DCLK1: variants seen among roughly 807,000 people sequenced by gnomAD.
The protein encoded by DCLK1 is serine/threonine-protein kinase DCLK1.
A neutral mutation model predicts 86.2 loss-of-function variants in DCLK1; 16 were observed. The observed-to-expected ratio is 0.19, with a 90% CI of 0.13 to 0.28. The LOEUF (loss-of-function observed/expected upper bound fraction) is 0.28, where lower values mean the gene tolerates loss of function less well. Among genes scored for constraint, DCLK1 ranks in the 10% least tolerant of loss-of-function variants. The probability of loss-of-function intolerance (pLI) is 1.00; values close to 1 mark genes in which losing one functional copy is unlikely to be tolerated. For missense variants in DCLK1, 590 were observed against 940.2 expected (o/e 0.63, Z 4.87); for synonymous variants, 369 against 370.5 (o/e 1.00, Z 0.05).
chr13:36,124,924 T>C (rs1886115364), intron 2 of DCLK1, among the ~76,000 whole-genome samples: 1 of 152,194 alleles, frequency 6.6e-6, no homozygotes, highest in African/African-American at 2.4e-5. Flanking sequence ...TCCAACTCAT[T>C]TTAATTGGCG....
chr13:35,798,411 G>A (rs950692478), intron 15 of DCLK1, among the ~76,000 whole-genome samples: 1 of 152,180 alleles, frequency 6.6e-6, no homozygotes, highest in African/African-American at 2.4e-5. Flanking sequence ...GTAAACTCAG[G>A]AGAAGCATGG....
At chr13:35,942,870 T>A (rs1877160237) in intron 4 of DCLK1, among the ~76,000 whole-genome samples, 1 of 152,186 alleles carries the variant, frequency 6.6e-6, no homozygotes, top group Non-Finnish European at 1.5e-5. Context: ...GTTGTTGATG[T>A]ATTCTACTAA....
chr13:35,973,137 A>T (rs1331065182), intron 3 of DCLK1, among the ~76,000 whole-genome samples: 1 of 152,134 alleles, frequency 6.6e-6, no homozygotes, highest in Non-Finnish European at 1.5e-5. Flanking sequence ...AGGCAGAAGG[A>T]GGGGAGGTGG....
intron 3 of DCLK1, among the ~76,000 whole-genome samples, chr13:36,099,875 C>T (rs1885141540): frequency 6.6e-6 from 1 of 152,096 alleles, no homozygotes; most frequent in South Asian, 2.1e-4. Flanking sequence ...TCCAACTGAA[C>T]GTATCCCAGA....
At position 36,131,337 on chromosome 13, in the gene DCLK1, T is replaced by A. The variant is rs1886356592; in HGVS notation, c.-243A>T. ...CCCGTCCTCATTGAAATGCGGCGCT[T>A]CGCACAGCCTCACTCCAGCCTCTCT... On this transcript the variant is annotated 5_prime_UTR_variant, in exon 1 of 17. Coordinates refer to ENST00000360631, the MANE Select transcript of DCLK1 (RefSeq NM_001330071.2). 6.1e-6 allele frequency: 1 copy of A among 164,142 alleles called. No individual in the cohort carries two copies. The highest frequency in any genetic ancestry group is 2.4e-5 in the African/African-American group (1 of 41,386). The allele number at this position is 164,142 out of a possible 1,614,324, so 10.2% of individuals were successfully genotyped here.
At chr13:35,810,532 C>A (rs2153102889) in intron 12 of DCLK1, among the ~76,000 whole-genome samples, 1 of 152,270 alleles carries the variant, frequency 6.6e-6, no homozygotes, top group East Asian at 1.9e-4. Context: ...GAGTTAATTA[C>A]CATCGCTGTG....
intron 4 of DCLK1, among the ~76,000 whole-genome samples, chr13:35,905,705 G>A (rs1057274062): frequency 6.6e-6 from 1 of 152,088 alleles, no homozygotes; most frequent in African/African-American, 2.4e-5. Flanking sequence ...CAGCGCATTG[G>A]GAGGCCAAGG....
chr13:35,805,834 T>C, intron 14 of DCLK1, 55 bp from the exon 15 acceptor site: 1 of 1,491,660 alleles, frequency 6.7e-7, no homozygotes, highest in Non-Finnish European at 9.2e-7. Flanking sequence ...AAAAGCTGTA[T>C]GTGTGCAAAT....
chr13:35,904,364 G>A (rs1874560841), intron 4 of DCLK1, among the ~76,000 whole-genome samples: 1 of 152,132 alleles, frequency 6.6e-6, no homozygotes, highest in Admixed American at 6.5e-5. Context: ...GCTAATTTTT[G>A]TATTTTTAGT....
rs2086335501 is a variant in DCLK1, at chr13:35,771,665, G to A, written c.*2870C>T. ...TAAAATTCCCTTGAAAATACCATAT[G>A]ATTGGTCATGTGTCAGTAAAAGAAA... On this transcript the variant is annotated 3_prime_UTR_variant, in exon 17 of 17. Coordinates refer to ENST00000360631, the MANE Select transcript of DCLK1 (RefSeq NM_001330071.2). The A allele has an allele frequency of 6.6e-6, 1 of 152,032 alleles. No individual in the cohort carries two copies. Among genetic ancestry groups the A allele is most frequent in the Non-Finnish European group, 1.5e-5 (1 of 68,010 alleles). 9.4% of individuals were successfully genotyped at this position (152,032 alleles called of 1,614,324 possible). A position where few individuals can be genotyped will look rare whatever the true frequency, so the allele number is the denominator to read the frequency against.
At chr13:36,008,078 T>C (rs1478830565) in intron 3 of DCLK1, among the ~76,000 whole-genome samples, 2 of 150,636 alleles carry the variant, frequency 1.3e-5, no homozygotes, top group Non-Finnish European at 3.0e-5. Context: ...GCAATGCCTA[T>C]CATTTCCAAT....
chr13:36,123,156 C>T (rs1158144968), intron 2 of DCLK1, among the ~76,000 whole-genome samples: 1 of 152,120 alleles, frequency 6.6e-6, no homozygotes, highest in South Asian at 2.1e-4. Flanking sequence ...TAATAACATG[C>T]ACTGACGTTT....
intron 6 of DCLK1, chr13:35,850,804 G>T (rs1432796270): frequency 4.5e-6 from 7 of 1,556,618 alleles, no homozygotes; most frequent in Non-Finnish European, 6.1e-6. Flanking sequence ...GTATAGATTT[G>T]TTTACTCGGC....
intron 8 of DCLK1, among the ~76,000 whole-genome samples, chr13:35,829,199 G>A (rs1361612171): frequency 1.3e-5 from 2 of 152,192 alleles, no homozygotes; most frequent in Admixed American, 6.5e-5. Flanking sequence ...GGTGTAGGAG[G>A]AAGGATTTAG....
chr13:35,869,372 GC>G (rs1872100872), intron 5 of DCLK1, among the ~76,000 whole-genome samples: 1 of 152,182 alleles, frequency 6.6e-6, no homozygotes, highest in Admixed American at 6.5e-5. Flanking sequence ...ACTCTCTGAG[GC>G]CAGGTCATTG....
At chr13:35,868,880 C>T (rs1872050479) in intron 5 of DCLK1, among the ~76,000 whole-genome samples, 1 of 152,110 alleles carries the variant, frequency 6.6e-6, no homozygotes, top group Non-Finnish European at 1.5e-5. Context: ...ACCTCTGCCC[C>T]TCAAGGTTCA....
intron 1 of DCLK1, among the ~76,000 whole-genome samples, 171 bp downstream of exon 1, chr13:36,130,943 C>T (rs1380503256): frequency 1.3e-5 from 2 of 151,932 alleles, no homozygotes; most frequent in African/African-American, 2.4e-5. Context: ...TCGGGCCAGG[C>T]TGGCCAGGGC....
chr13:36,015,535 T>C (rs937745342), intron 3 of DCLK1, among the ~76,000 whole-genome samples: 4 of 152,180 alleles, frequency 2.6e-5, no homozygotes, highest in African/African-American at 9.7e-5. Context: ...AGATGGAACT[T>C]AAGTTTTCTT....
At chr13:35,777,846 G>A (rs1448661740) in intron 16 of DCLK1, among the ~76,000 whole-genome samples, 1 of 152,220 alleles carries the variant, frequency 6.6e-6, no homozygotes, top group East Asian at 1.9e-4. Flanking sequence ...ACTCTGCTTA[G>A]AGAAAGTATT....
Sources: gnomAD v4.1 joint callset for allele counts (sites outside exome capture counted in the v4.1 genomes callset) on GRCh38, gnomAD v4.1.1 for gene constraint, MANE v1.5 for transcripts, NCBI Gene and HGNC (gene_info 2026-07-23, HGNC 2026-07-21) for gene names.